COL5A2: variants seen among roughly 807,000 people sequenced by gnomAD.
COL5A2 encodes the protein collagen type V alpha 2 chain.
COL5A2 carries 23 observed loss-of-function variants against 208.2 expected under a neutral mutation model. That is an observed-to-expected ratio of 0.11 (90% CI 0.08 to 0.16). The LOEUF (loss-of-function observed/expected upper bound fraction) is 0.16, where lower values mean the gene tolerates loss of function less well. COL5A2 is among the 10% of genes least tolerant of loss of function. The pLI, the probability that COL5A2 is intolerant of heterozygous loss-of-function variation, is 1.00. For missense variants in COL5A2, 1,590 were observed against 1,956.4 expected, an observed-to-expected ratio of 0.81 and a Z score of 3.53; for synonymous variants, 625 against 628.5, an observed-to-expected ratio of 0.99 and a Z score of 0.08.
intron 17 of COL5A2, among the ~76,000 whole-genome samples, chr2:189,073,401 T>C (rs1686329008): frequency 2.0e-5 from 3 of 152,138 alleles, no homozygotes; most frequent in Admixed American, 6.5e-5. Flanking sequence ...ATTTGTGCTA[T>C]TACAAAACAC....
At chr2:189,297,473 C>T in the COL5A2 span, among the ~76,000 whole-genome samples, 6 of 152,032 alleles carry the variant, frequency 3.9e-5, no homozygotes, top group Non-Finnish European at 8.8e-5. Context: ...AATATATATA[C>T]CTACTATGTA....
At chr2:189,093,526 G>A (rs1481577208) in intron 6 of COL5A2, among the ~76,000 whole-genome samples, 1 of 151,736 alleles carries the variant, frequency 6.6e-6, no homozygotes, top group East Asian at 1.9e-4. Context: ...TTTTGGGGAG[G>A]GTGGCATCAT....
chr2:189,268,287 T>C, the COL5A2 span, among the ~76,000 whole-genome samples: 3 of 152,192 alleles, frequency 2.0e-5, no homozygotes, highest in East Asian at 3.8e-4. Context: ...TTTTAAGATA[T>C]AACATTCTCT....
At chr2:189,327,139 A>G in the COL5A2 span, among the ~76,000 whole-genome samples, 3 of 151,980 alleles carry the variant, frequency 2.0e-5, no homozygotes, top group East Asian at 3.9e-4. Context: ...AAATGAAAGC[A>G]TAAGTAACAC....
At chr2:189,364,688 A>G in the COL5A2 span, among the ~76,000 whole-genome samples, 1 of 152,004 alleles carries the variant, frequency 6.6e-6, no homozygotes, top group Admixed American at 6.6e-5. Context: ...TGTCTCAGAA[A>G]AAAAAAAAAA....
At chr2:189,188,756 G>A (rs533771070) in intron 1 of COL5A2, among the ~76,000 whole-genome samples, 2 of 152,292 alleles carry the variant, frequency 1.3e-5, no homozygotes, top group Admixed American at 1.3e-4. Flanking sequence ...CAACAAATAA[G>A]GAGTCATTCA....
the COL5A2 span, among the ~76,000 whole-genome samples, chr2:189,357,763 G>GGAA: frequency 4.0e-5 from 5 of 124,008 alleles, no homozygotes; most frequent in African/African-American, 9.2e-5. Context: ...ACTCGGGTAT[G>GGAA]AAAAAAAAAA....
chr2:189,099,793 G>C (rs1265762396), intron 4 of COL5A2, among the ~76,000 whole-genome samples: 1 of 152,108 alleles, frequency 6.6e-6, no homozygotes, highest in African/African-American at 2.4e-5. Flanking sequence ...ATTTCCAGAA[G>C]TGTGGAATAA....
the COL5A2 span, among the ~76,000 whole-genome samples, chr2:189,430,410 C>A: frequency 3.0e-4 from 46 of 152,288 alleles, no homozygotes; most frequent in South Asian, 7.2e-3. Context: ...CCAGGAAACA[C>A]AAGGGGTTGG....
the COL5A2 span, among the ~76,000 whole-genome samples, chr2:189,344,696 T>C: frequency 6.6e-6 from 1 of 152,176 alleles, no homozygotes; most frequent in East Asian, 1.9e-4. Context: ...CCCTGTCTGG[T>C]ACCCACAAAA....
chr2:189,090,979 T>C (rs1455610158), intron 7 of COL5A2, among the ~76,000 whole-genome samples: 6 of 152,362 alleles, frequency 3.9e-5, no homozygotes, highest in Non-Finnish European at 8.8e-5. Context: ...TAAATAAATT[T>C]CAACTTTTAA....
At chr2:189,118,620 T>A (rs1687441927) in intron 1 of COL5A2, among the ~76,000 whole-genome samples, 1 of 152,136 alleles carries the variant, frequency 6.6e-6, no homozygotes, top group Admixed American at 6.5e-5. Context: ...TTCTAAAATA[T>A]TTTGAAGAAA....
intron 1 of COL5A2, among the ~76,000 whole-genome samples, chr2:189,221,866 G>T (rs1465864349): frequency 6.6e-6 from 1 of 152,066 alleles, no homozygotes; most frequent in African/African-American, 2.4e-5. Flanking sequence ...AATAATGCTG[G>T]AACCCCACTA....
At chr2:189,040,432 T>C (rs76444012) in intron 50 of COL5A2, among the ~76,000 whole-genome samples, 1 of 151,914 alleles carries the variant, frequency 6.6e-6, no homozygotes, top group African/African-American at 2.4e-5. Context: ...CTCTATTAAT[T>C]CCCTTCTGCA....
chr2:189,433,328 G>A, the COL5A2 span, among the ~76,000 whole-genome samples: 2 of 152,110 alleles, frequency 1.3e-5, no homozygotes, highest in African/African-American at 4.8e-5. Flanking sequence ...AAATAACTAA[G>A]ATCAGAGCAG....
intron 50 of COL5A2, among the ~76,000 whole-genome samples, chr2:189,039,948 T>C (rs10200215): frequency 0.096 from 14,624 of 152,198 alleles, 741 homozygotes; most frequent in South Asian, 0.15. Context: ...TATTTTTGGA[T>C]GAAGCTGAAC....
intron 1 of COL5A2, among the ~76,000 whole-genome samples, chr2:189,219,806 G>T (rs1324515826): frequency 6.6e-6 from 1 of 152,078 alleles, no homozygotes; most frequent in Non-Finnish European, 1.5e-5. Flanking sequence ...CATAACCCCT[G>T]GCCTAGCATC....
At chr2:189,124,410 T>C (rs1423290321) in intron 1 of COL5A2, among the ~76,000 whole-genome samples, 1 of 152,186 alleles carries the variant, frequency 6.6e-6, no homozygotes, top group Non-Finnish European at 1.5e-5. Flanking sequence ...AATGATTGCA[T>C]ACCAACTATT....
At chr2:189,347,809 T>C in the COL5A2 span, among the ~76,000 whole-genome samples, 1 of 152,200 alleles carries the variant, frequency 6.6e-6, no homozygotes, top group Non-Finnish European at 1.5e-5. Context: ...AATGAGAGAA[T>C]GTTTGAAAAT....
Sources: gnomAD v4.1 joint callset for allele counts (sites outside exome capture counted in the v4.1 genomes callset) on GRCh38, gnomAD v4.1.1 for gene constraint, MANE v1.5 for transcripts, NCBI Gene and HGNC (gene_info 2026-07-23, HGNC 2026-07-21) for gene names.